The following REXO5 variants were observed in gnomAD, a reference collection of about 807,000 sequenced individuals.
The protein encoded by REXO5 is exonuclease NEF-sp.
In REXO5, 48 loss-of-function variants were observed where a neutral mutation model predicts 88.5. The ratio of observed to expected loss-of-function variants is 0.54; its 90% CI spans 0.43 to 0.69. REXO5 has a LOEUF of 0.69. REXO5 is among the 30% of genes least tolerant of loss of function. The pLI, the probability that REXO5 is intolerant of heterozygous loss-of-function variation, is 0.00. For synonymous variants in REXO5, 311 were observed against 336.5 expected (o/e 0.92, Z 0.83); for missense variants, 749 against 912.2 (o/e 0.82, Z 2.30).
intron 19 of REXO5, among the ~76,000 whole-genome samples, chr16:20,849,196 G>A (rs143153958): frequency 6.6e-6 from 1 of 152,192 alleles, no homozygotes; most frequent in Non-Finnish European, 1.5e-5. Context: ...ATTGGTAAAG[G>A]TAGGATTTGA....
At chr16:20,811,585 C>T (rs555935922) in intron 2 of REXO5, among the ~76,000 whole-genome samples, 431 of 152,144 alleles carry the variant, frequency 2.8e-3, no homozygotes, top group African/African-American at 9.7e-3. Flanking sequence ...AAATCCACTG[C>T]GGGCTGTATA....
intron 16 of REXO5, 83 bp from the exon 17 acceptor site, chr16:20,844,546 G>A: frequency 5.0e-6 from 6 of 1,198,888 alleles, no homozygotes; most frequent in South Asian, 4.1e-5. Context: ...GAAGTTATTA[G>A]TAATGGCAAC....
intron 5 of REXO5, among the ~76,000 whole-genome samples, chr16:20,817,401 T>G (rs1425779903): frequency 6.6e-6 from 1 of 152,166 alleles, no homozygotes; most frequent in African/African-American, 2.4e-5. Context: ...AGAAAAGATG[T>G]AATCAGGAAA....
rs773070108 is a variant in REXO5 at position 20,845,014 on chromosome 16, T to G, written c.1937-40T>G. The G allele has an allele frequency of 8.1e-6, 13 of 1,598,762 alleles. No homozygotes were observed. In the Middle Eastern group the frequency reaches 1.6e-3, roughly 194 times the overall value. ...GCAGCTTGGATGGTGATCAGCTTTC[T>G]TGGCCCTTAATAACATAAGGTGGGG... On this transcript the variant is annotated intron_variant, in intron 17 of 19. Transcript: ENST00000261377.
intron 7 of REXO5, among the ~76,000 whole-genome samples, chr16:20,825,290 T>C (rs1567393906): frequency 6.6e-6 from 1 of 152,210 alleles, no homozygotes; most frequent in Non-Finnish European, 1.5e-5. Context: ...CAATTCTTAA[T>C]AGAGTAACTA....
At chr16:20,834,820 T>C (rs2081400469) in intron 13 of REXO5, among the ~76,000 whole-genome samples, 1 of 152,222 alleles carries the variant, frequency 6.6e-6, no homozygotes. Flanking sequence ...GTATCTTCCA[T>C]GTGTCTAGTT....
chr16:20,849,653 AAGTTCAAGCAT>A, exon 20 of REXO5: 1 of 608,482 alleles, frequency 1.6e-6, no homozygotes, highest in East Asian at 2.8e-5. Flanking sequence ...TAAATGCCTA[AAGTTCAAGCAT>A]AGTATGGGGA....
chr16:20,846,876 C>A (rs1290518868), intron 19 of REXO5, among the ~76,000 whole-genome samples: 1 of 152,132 alleles, frequency 6.6e-6, no homozygotes, highest in African/African-American at 2.4e-5. Context: ...GTCTCAATGT[C>A]CTTTTAGTAA....
Position 20,833,844 on chromosome 16 carries a change from A to G in REXO5, c.1383+721A>G, listed in dbSNP as rs541092620. On this transcript the variant is annotated intron_variant, in intron 13 of 19. Transcript: ENST00000261377. ...TAACCACATCTTAACATAGTTACCA[A>G]TTTTAGTAAATCTAATATTGTCCTG... Among the ~76,000 whole-genome samples the G allele has an allele frequency of 5.6e-4, 86 of 152,320 alleles. 1 individual carries two copies. The highest frequency in any genetic ancestry group is 2.0e-3 in the African/African-American group (83 of 41,582).
At chr16:20,830,990 G>GTTTTTTT (rs11337519) in intron 11 of REXO5, among the ~76,000 whole-genome samples, 18 of 97,068 alleles carry the variant, frequency 1.9e-4, no homozygotes, top group African/African-American at 3.5e-4. Context: ...TTCTTTTTCT[G>GTTTTTTT]TTTTTTTTTT....
intron 15 of REXO5, among the ~76,000 whole-genome samples, chr16:20,842,730 C>T (rs1051471663): frequency 9.2e-5 from 14 of 152,170 alleles, no homozygotes; most frequent in African/African-American, 3.4e-4. Context: ...TCTTGGATTA[C>T]AGGCGTGAGC....
intron 2 of REXO5, 106 bp downstream of exon 2, chr16:20,807,197 G>C: frequency 7.6e-7 from 1 of 1,316,800 alleles, no homozygotes; most frequent in East Asian, 2.5e-5. Context: ...TCTCCGCCCT[G>C]GCCTCTCCGA....
chr16:20,833,973 A>T (rs542126752), intron 13 of REXO5, among the ~76,000 whole-genome samples: 1 of 152,182 alleles, frequency 6.6e-6, no homozygotes, highest in Non-Finnish European at 1.5e-5. Flanking sequence ...TTCTAGGGTC[A>T]TGTATTACAA....
intron 5 of REXO5, among the ~76,000 whole-genome samples, chr16:20,818,513 G>A (rs1488821049): frequency 6.6e-6 from 1 of 152,176 alleles, no homozygotes; most frequent in African/African-American, 2.4e-5. Context: ...CTGTCGCTGA[G>A]GCTGGAGTGC....
intron 5 of REXO5, 22 bp from the exon 6 acceptor site, chr16:20,821,740 C>A (rs753987100): frequency 4.5e-6 from 7 of 1,551,720 alleles, no homozygotes; most frequent in South Asian, 1.3e-5. Context: ...TTCTAATATA[C>A]GTTCAATTGT....
At chr16:20,832,487 C>T (rs2081361000) in intron 12 of REXO5, among the ~76,000 whole-genome samples, 1 of 144,736 alleles carries the variant, frequency 6.9e-6, no homozygotes, top group Non-Finnish European at 1.5e-5. Context: ...AAATGATATC[C>T]TTGATCAAAA....
intron 2 of REXO5, among the ~76,000 whole-genome samples, chr16:20,807,838 C>G (rs1022569252): frequency 6.6e-6 from 1 of 152,104 alleles, no homozygotes; most frequent in African/African-American, 2.4e-5. Context: ...TCCTTGCCCT[C>G]GTGCAGTTTA....
chr16:20,827,233 A>C (rs763489505), intron 9 of REXO5, 37 bp downstream of exon 9: 24 of 1,613,048 alleles, frequency 1.5e-5, no homozygotes, highest in African/African-American at 2.7e-5. Flanking sequence ...TTTTCAGTAT[A>C]AATGCCTGTT....
At chr16:20,842,735 G>A (rs190423834) in intron 15 of REXO5, among the ~76,000 whole-genome samples, 77 of 152,202 alleles carry the variant, frequency 5.1e-4, no homozygotes, top group African/African-American at 1.2e-3. Flanking sequence ...GATTACAGGC[G>A]TGAGCCACTG....
Sources: allele counts gnomAD v4.1 joint callset (sites outside exome capture counted in the v4.1 genomes callset), GRCh38; gene constraint gnomAD v4.1.1; transcripts MANE v1.5; gene names NCBI Gene and HGNC (gene_info 2026-07-23, HGNC 2026-07-21).